Variants in TUBA8 observed in about 807,000 individuals in gnomAD.
The protein encoded by TUBA8 is tubulin alpha 8, also known as tubulin alpha-8 chain.
A neutral mutation model predicts 34.7 loss-of-function variants in TUBA8; 29 were observed. The observed-to-expected ratio is 0.84, with a 90% CI of 0.62 to 1.14. TUBA8 has a LOEUF of 1.14. Among genes scored for constraint, TUBA8 ranks in the 50% most tolerant of loss-of-function variants. The pLI is 0.00. For synonymous variants in TUBA8, 226 were observed against 231.2 expected (o/e 0.98, Z 0.21); for missense variants, 541 against 599.2 (o/e 0.90, Z 1.01).
Position 18,121,773 on chromosome 22 carries a change from A to G in TUBA8, c.226+72A>G. On this transcript the variant is annotated intron_variant, in intron 2 of 4. Coordinates refer to ENST00000330423, the MANE Select transcript of TUBA8 (RefSeq NM_018943.3). The surrounding 1 kb of genome is among the most constrained non-coding windows in gnomAD (Gnocchi z 4.8). ...CAGAGGCATTGGCCCACAGTAGCTAAGGAAGCAGCGTCTCTAGCTGGAAGG... is the reference window on the plus strand; with the variant it reads ...CAGAGGCATTGGCCCACAGTAGCTAGGGAAGCAGCGTCTCTAGCTGGAAGG... 1 of 1,454,234 alleles carries G rather than the reference A, an allele frequency of 6.9e-7. No homozygotes were observed. Among genetic ancestry groups the G allele is most frequent in the Non-Finnish European group, 9.5e-7 (1 of 1,048,310 alleles). The allele number at this position is 1,454,234 out of a possible 1,614,324, so 90.1% of individuals were successfully genotyped here.
At chr22:18,120,808 T>TTAC (rs775642302) in intron 1 of TUBA8, 3 of 153,126 alleles carry the variant, frequency 2.0e-5, no homozygotes, top group Non-Finnish European at 4.4e-5. Flanking sequence ...TCAGCTTTAC[T>TTAC]TAACACTTGG....
intron 1 of TUBA8, chr22:18,120,072 T>C (rs2123698438): frequency 6.6e-6 from 1 of 152,242 alleles, no homozygotes; most frequent in African/African-American, 2.4e-5. Flanking sequence ...CACGCCTACG[T>C]GTGCACGTGC....
In TUBA8 at chr22:18,121,666, G is replaced by T; in HGVS notation, c.191G>T (p.Arg64Leu). ...ACTGGCAATGGGAAGCATGTGCCCC[G>T]GGCCGTCATGATAGATCTGGAGCCT... is the stretch of plus-strand genomic sequence containing the variant. ...SETGNGKHVP[R>L]AVMIDLEPTV... Residue 64 changes from arginine to leucine, a missense_variant, in exon 2 of 5, where the codon CGG (arginine) becomes CTG (leucine). By Grantham distance (102) the Arg-to-Leu change is moderately radical. Transcript: ENST00000330423. This position sits in a 1 kb window ranked among gnomAD's most constrained non-coding sequence, Gnocchi z 4.8. 1 of 1,614,184 alleles carries T rather than the reference G, an allele frequency of 6.2e-7. No homozygotes were observed. Among genetic ancestry groups the T allele is most frequent in the Non-Finnish European group, 8.5e-7 (1 of 1,180,028 alleles).
At chr22:18,129,477 CTTAG>C (rs1326118244) in intron 4 of TUBA8, 1 of 152,252 alleles carries the variant, frequency 6.6e-6, no homozygotes, top group Admixed American at 6.5e-5. Context: ...GATGTTAGCA[CTTAG>C]AGGAGAACAG....
intron 1 of TUBA8, chr22:18,115,538 A>G (rs2123694016): frequency 6.6e-6 from 1 of 152,382 alleles, no homozygotes; most frequent in African/African-American, 2.4e-5. Flanking sequence ...TTGCCCTCAC[A>G]GAGCTTACGT....
chr22:18,123,835 A>C, intron 2 of TUBA8: 1 of 356,882 alleles, frequency 2.8e-6, no homozygotes, highest in Non-Finnish European at 5.4e-6. Context: ...TCGGCCTCCC[A>C]AAGTGTTAGG....
intron 1 of TUBA8, chr22:18,115,264 G>C (rs1927932999): frequency 6.6e-6 from 1 of 152,402 alleles, no homozygotes; most frequent in Non-Finnish European, 1.5e-5. Flanking sequence ...AACTGCCCCA[G>C]ATCATCTTGG....
Position 18,131,630 on chromosome 22 carries a change from A to C in TUBA8, c.*494A>C. ...ACTCCCCCATCACATATTCCAATAC[A>C]CACCCTGTCCTAGGCACTGAGAGCT... On this transcript the variant is annotated 3_prime_UTR_variant, in exon 5 of 5. Transcript: ENST00000330423. This position sits in a 1 kb window ranked among gnomAD's most constrained non-coding sequence, Gnocchi z 5.3. 1 of 200,370 alleles carries C rather than the reference A, an allele frequency of 5.0e-6. No individual in the cohort carries two copies. 12.4% of individuals were successfully genotyped at this position (200,370 alleles called of 1,614,324 possible). A position where few individuals can be genotyped will look rare whatever the true frequency, so the allele number is the denominator to read the frequency against.
Position 18,121,072 on chromosome 22 carries a change from AGG to A in TUBA8, c.4-405_4-404del. On this transcript the variant is annotated intron_variant, in intron 1 of 4. Transcript: ENST00000330423. The surrounding 1 kb of genome is among the most constrained non-coding windows in gnomAD (Gnocchi z 4.8). ...CATGTGTGCACAATGTCAGAAAGTC[AGG>A]GTCAGGAGCAGCTGTGAATGCTGCC... The A allele has an allele frequency of 3.8e-6, 1 of 262,596 alleles. No individual in the cohort carries two copies. Among genetic ancestry groups the A allele is most frequent in the Non-Finnish European group, 7.5e-6 (1 of 133,364 alleles). 16.3% of individuals were successfully genotyped at this position (262,596 alleles called of 1,614,324 possible). A position where few individuals can be genotyped will look rare whatever the true frequency, so the allele number is the denominator to read the frequency against.
intron 1 of TUBA8, chr22:18,120,004 C>T (rs766479614): frequency 2.6e-5 from 4 of 152,228 alleles, no homozygotes; most frequent in African/African-American, 4.8e-5. Context: ...GGCACAGTGT[C>T]GCCTTGTGTG....
Position 18,130,976 on chromosome 22 carries a change from T to G in TUBA8, c.1190T>G (p.Leu397Arg). 2.5e-6 allele frequency: 4 copies of G among 1,614,088 alleles called. No homozygotes were observed. The highest frequency in any genetic ancestry group is 3.4e-6 in the Non-Finnish European group (4 of 1,180,014). ...AWARLDHKFDLMYAKRAFVHW... is the reference protein window; with the variant it reads ...AWARLDHKFDRMYAKRAFVHW... ...GCCCGCCTCGACCACAAGTTCGACC[T>G]CATGTACGCCAAGCGGGCCTTTGTG... is the stretch of plus-strand genomic sequence containing the variant. The change falls in exon 5 of 5, where the codon CTC (leucine) becomes CGC (arginine). Residue 397 changes from leucine to arginine, a missense_variant. Coordinates refer to ENST00000330423, the MANE Select transcript of TUBA8 (RefSeq NM_018943.3).
At position 18,130,974 on chromosome 22, in the gene TUBA8, C is replaced by A. The variant is rs1928490141; in HGVS notation, c.1188C>A (p.Asp396Glu). The change falls in exon 5 of 5, where the codon GAC becomes GAA. Residue 396 changes from aspartate to glutamate, a missense_variant. By Grantham distance (45) the Asp-to-Glu change is conservative. Transcript: ENST00000330423. Reference sequence around the variant, plus strand: ...GGGCCCGCCTCGACCACAAGTTCGACCTCATGTACGCCAAGCGGGCCTTTG... The same window carrying A: ...GGGCCCGCCTCGACCACAAGTTCGAACTCATGTACGCCAAGCGGGCCTTTG... ...EAWARLDHKF[D>E]LMYAKRAFVH... 3.1e-6 allele frequency: 5 copies of A among 1,614,026 alleles called. No homozygotes were observed. The highest frequency in any genetic ancestry group is 3.4e-6 in the Non-Finnish European group (4 of 1,180,044).
chr22:18,112,504 G>A (rs1569196769), intron 1 of TUBA8: 1 of 152,212 alleles, frequency 6.6e-6, no homozygotes, highest in Non-Finnish European at 1.5e-5. Context: ...GAATGCCATT[G>A]TGGTACAGAG....
chr22:18,127,177 T>G (rs1394731084), intron 4 of TUBA8, 143 bp downstream of exon 4: 2 of 848,680 alleles, frequency 2.4e-6, no homozygotes, highest in Non-Finnish European at 3.6e-6. Context: ...ATGAATGGAA[T>G]TCAGCTTTGG....
Position 18,126,191 on chromosome 22 carries a change from A to G in TUBA8, c.376-163A>G. Reference sequence around the variant, plus strand: ...ATCCCATATTTTAGCCACTCCTCCAAAGATCAATACAACTCCTTTTGTTTC... The same window carrying G: ...ATCCCATATTTTAGCCACTCCTCCAGAGATCAATACAACTCCTTTTGTTTC... On this transcript the variant is annotated intron_variant, in intron 3 of 4. Coordinates refer to ENST00000330423, the MANE Select transcript of TUBA8 (RefSeq NM_018943.3). This position sits in a 1 kb window ranked among gnomAD's most constrained non-coding sequence, Gnocchi z 4.0. 1.5e-6 allele frequency: 1 copy of G among 686,822 alleles called. No individual in the cohort carries two copies. 42.5% of individuals were successfully genotyped at this position (686,822 alleles called of 1,614,324 possible).
At chr22:18,129,115 T>A (rs1928422443) in intron 4 of TUBA8, 1 of 152,244 alleles carries the variant, frequency 6.6e-6, no homozygotes, top group Non-Finnish European at 1.5e-5. Flanking sequence ...AGACTATGCC[T>A]ATTTTTTATG....
At position 18,119,368 on chromosome 22, in the gene TUBA8, C is replaced by T. The variant is rs1031340346; in HGVS notation, c.4-2111C>T. 3 of 152,152 alleles carry T rather than the reference C, an allele frequency of 2.0e-5. No individual in the cohort carries two copies. Among genetic ancestry groups the T allele is most frequent in the Non-Finnish European group, 4.4e-5 (3 of 68,034 alleles). 9.4% of individuals were successfully genotyped at this position (152,152 alleles called of 1,614,324 possible). A position where few individuals can be genotyped will look rare whatever the true frequency, so the allele number is the denominator to read the frequency against. On this transcript the variant is annotated intron_variant, in intron 1 of 4. Coordinates refer to ENST00000330423, the MANE Select transcript of TUBA8 (RefSeq NM_018943.3). This position sits in a 1 kb window ranked among gnomAD's most constrained non-coding sequence, Gnocchi z 5.9. ...AGCTCCCTCTACGTGTGCTACTTCC[C>T]GGTGCAGAAAAATGCTACCAGGTAG...
At position 18,114,621 on chromosome 22, in the gene TUBA8, C is replaced by T. The variant is rs1359004779; in HGVS notation, c.3+3753C>T. The T allele has an allele frequency of 2.0e-5, 3 of 148,258 alleles. No individual in the cohort carries two copies. The Admixed American group carries it at 2.0e-4, about 10-fold the overall frequency. 9.2% of individuals were successfully genotyped at this position (148,258 alleles called of 1,614,324 possible). The stretch of plus-strand genomic sequence containing the variant: ...TGGGCCTGCTTTTCACTTGCCATCC[C>T]TGACCTAGGTCCTAAGATATATGTG... On this transcript the variant is annotated intron_variant, in intron 1 of 4. Coordinates refer to ENST00000330423, the MANE Select transcript of TUBA8 (RefSeq NM_018943.3).
Position 18,121,559 on chromosome 22 carries a change from C to T in TUBA8, c.84C>T (p.His28=), listed in dbSNP as rs755909182. 44 of 1,614,098 alleles carry T rather than the reference C, an allele frequency of 2.7e-5. No homozygotes were observed. In the East Asian group the frequency reaches 4.2e-4, roughly 16 times the overall value. Residue 28 remains histidine, a synonymous_variant, in exon 2 of 5, where the codon CAC becomes CAT. Coordinates refer to ENST00000330423, the MANE Select transcript of TUBA8 (RefSeq NM_018943.3). This position sits in a 1 kb window ranked among gnomAD's most constrained non-coding sequence, Gnocchi z 4.8. Reference sequence around the variant, plus strand: ...GCTGGGAGCTCTTCTGCCTGGAACACGGCATCCAGGCAGACGGCACTTTTG... The same window carrying T: ...GCTGGGAGCTCTTCTGCCTGGAACATGGCATCCAGGCAGACGGCACTTTTG... ...NACWELFCLE[H]GIQADGTFDA...
Sources: allele counts gnomAD v4.1 joint callset, GRCh38; gene constraint gnomAD v4.1.1; non-coding constraint Gnocchi (gnomAD v3.1); transcripts MANE v1.5; gene names NCBI Gene and HGNC (gene_info 2026-07-23, HGNC 2026-07-21).